The following CFHR5 variants were observed in gnomAD, a reference collection of about 807,000 sequenced individuals.
CFHR5 encodes the protein complement factor H related 5.
CFHR5 carries 73 observed loss-of-function variants against 62.9 expected under a neutral mutation model. The observed-to-expected ratio is 1.16, with a 90% CI of 0.96 to 1.41. CFHR5 has a LOEUF of 1.41. Ranked by LOEUF, CFHR5 falls within the 40% of genes most tolerant of loss-of-function variation. CFHR5 has a pLI of 0.00. For synonymous variants in CFHR5, 249 were observed against 227.2 expected, an observed-to-expected ratio of 1.10 and a Z score of -0.86; for missense variants, 779 against 679.9, an observed-to-expected ratio of 1.15 and a Z score of -1.62.
At chr1:196,990,894 G>C (rs1276562427) in intron 3 of CFHR5, among the ~76,000 whole-genome samples, 1 of 152,066 alleles carries the variant, frequency 6.6e-6, no homozygotes, top group Non-Finnish European at 1.5e-5. Context: ...TGCATTTCTT[G>C]AAATTGAATG....
Position 196,995,867 on chromosome 1 carries a change from A to G in CFHR5, c.758A>G (p.Asp253Gly), listed in dbSNP as rs1475314885. 1.2e-6 allele frequency: 2 copies of G among 1,613,382 alleles called. No homozygotes were observed. The highest frequency in any genetic ancestry group is 1.7e-5 in the Admixed American group (1 of 59,950). ...INGPKKIQCV[D>G]GEWTTLPTCV... ...GGGCCTAAGAAAATACAATGTGTGG[A>G]TGGAGAATGGACAACTTTACCCACT... Residue 253 changes from aspartate to glycine, a missense_variant, in exon 5 of 10, where the codon GAT becomes GGT. Physicochemically the swap from Asp to Gly is moderately conservative, Grantham distance 94 (BLOSUM62 -1). Transcript: ENST00000256785.
Position 196,984,192 on chromosome 1 carries a change from T to A in CFHR5, c.430+55T>A. 2.8e-6 allele frequency: 4 copies of A among 1,416,098 alleles called. No individual in the cohort carries two copies. The South Asian group carries it at 4.7e-5, about 17-fold the overall frequency. The allele number at this position is 1,416,098 out of a possible 1,614,324, so 87.7% of individuals were successfully genotyped here. A position where few individuals can be genotyped will look rare whatever the true frequency, so the allele number is the denominator to read the frequency against. On this transcript the variant is annotated intron_variant, in intron 3 of 9. Transcript: ENST00000256785. ...CTAATTATTTAAAGAAATAAATCTATAGTTTATAGATTAAATATAGGTTAA... is the reference window on the plus strand; with the variant it reads ...CTAATTATTTAAAGAAATAAATCTAAAGTTTATAGATTAAATATAGGTTAA...
intron 6 of CFHR5, among the ~76,000 whole-genome samples, chr1:196,996,870 A>AAGT (rs1553315050): frequency 1.3e-5 from 2 of 151,390 alleles, no homozygotes; most frequent in African/African-American, 2.4e-5. Context: ...AGTAAGTAGT[A>AAGT]AGTAAGTAGT....
At chr1:196,977,474 A>G (rs1228788792), upstream of CFHR5, 6 of 655,716 alleles carry the variant, frequency 9.2e-6, no homozygotes, top group Non-Finnish European at 1.7e-5. Flanking sequence ...GACACTGATT[A>G]GATACTATTT....
chr1:196,995,575 T>C (rs1012348709), intron 4 of CFHR5, 142 bp from the exon 5 acceptor site: 13 of 700,988 alleles, frequency 1.9e-5, no homozygotes, highest in Non-Finnish European at 3.0e-5. Flanking sequence ...CAATACACTA[T>C]GTACACTGCA....
At chr1:196,999,704 TA>T (rs1654083811) in intron 7 of CFHR5, among the ~76,000 whole-genome samples, 1 of 51,870 alleles carries the variant, frequency 1.9e-5, no homozygotes, top group Non-Finnish European at 4.2e-5. Context: ...TATATATATA[TA>T]TATATATATA....
At chr1:196,983,147 T>G (rs1232352132) in intron 2 of CFHR5, 68 bp downstream of exon 2, 2 of 1,597,094 alleles carry the variant, frequency 1.3e-6, no homozygotes, top group Non-Finnish European at 8.6e-7. Context: ...CCGGACAAGA[T>G]CATAAGGTCT....
intron 6 of CFHR5, 88 bp downstream of exon 6, chr1:196,996,289 A>G: frequency 9.9e-7 from 1 of 1,013,752 alleles, no homozygotes; most frequent in Non-Finnish European, 1.5e-6. Context: ...TAGAATTACA[A>G]TTTTATTGAT....
chr1:197,007,599 A>G (rs972252411), intron 9 of CFHR5, among the ~76,000 whole-genome samples: 1 of 150,348 alleles, frequency 6.7e-6, no homozygotes, highest in Non-Finnish European at 1.5e-5. Flanking sequence ...ATGTGTGTAT[A>G]TGTAATATAA....
Position 196,984,202 on chromosome 1 carries a change from ATTAAATATAGG to A in CFHR5, c.430+79_430+89del, listed in dbSNP as rs543220846. 1.6e-3 allele frequency: 2,168 copies of A among 1,355,632 alleles called. 11 individuals are homozygous for A. Among genetic ancestry groups the A allele is most frequent in the South Asian group, 4.0e-3 (333 of 82,308 alleles). The allele number at this position is 1,355,632 out of a possible 1,614,324, so 84.0% of individuals were successfully genotyped here. A position where few individuals can be genotyped will look rare whatever the true frequency, so the allele number is the denominator to read the frequency against. On this transcript the variant is annotated intron_variant, in intron 3 of 9. Transcript: ENST00000256785. Reference sequence around the variant, plus strand: ...AAAGAAATAAATCTATAGTTTATAGATTAAATATAGGTTAAATATAGGTTTCACCACTACTT... The same window carrying A: ...AAAGAAATAAATCTATAGTTTATAGATTAAATATAGGTTTCACCACTACTT...
rs762454161 is a variant in CFHR5, at chr1:196,995,757, T to C, written c.648T>C (p.Asn216=). Residue 216 remains asparagine, a synonymous_variant, in exon 5 of 10, where the codon AAT becomes AAC. Coordinates refer to ENST00000256785, the MANE Select transcript of CFHR5 (RefSeq NM_030787.4). Reference sequence around the variant, plus strand: ...GTGGTCCACCTCCTCAACTCTCCAATGGTGAAGTTAAGGAGATAAGAAAAG... The same window carrying C: ...GTGGTCCACCTCCTCAACTCTCCAACGGTGAAGTTAAGGAGATAAGAAAAG... ...RSCGPPPQLS[N]GEVKEIRKEE... The C allele has an allele frequency of 1.5e-5, 25 of 1,613,146 alleles. No individual in the cohort carries two copies. The highest frequency in any genetic ancestry group is 1.9e-5 in the Non-Finnish European group (22 of 1,179,400).
intron 2 of CFHR5, among the ~76,000 whole-genome samples, chr1:196,983,459 G>A (rs1007618459): frequency 6.6e-6 from 1 of 152,046 alleles, no homozygotes; most frequent in Non-Finnish European, 1.5e-5. Context: ...ATATTGCGAG[G>A]TAAGGTTTGG....
chr1:197,003,347 G>A (rs1310152717), intron 8 of CFHR5, among the ~76,000 whole-genome samples: 7 of 152,132 alleles, frequency 4.6e-5, no homozygotes, highest in African/African-American at 1.4e-4. Flanking sequence ...GCAGCCAGGG[G>A]TTTGGGGACA....
chr1:196,983,897 A>C, intron 2 of CFHR5, 64 bp from the exon 3 acceptor site: 1 of 1,168,186 alleles, frequency 8.6e-7, no homozygotes, highest in Non-Finnish European at 1.3e-6. Flanking sequence ...TCTTAATGAA[A>C]TATTTTTAAA....
At chr1:196,995,217 A>G (rs957854320) in intron 4 of CFHR5, among the ~76,000 whole-genome samples, 1 of 152,196 alleles carries the variant, frequency 6.6e-6, no homozygotes, top group Non-Finnish European at 1.5e-5. Flanking sequence ...TCCTGATTAT[A>G]ATAAACAGCC....
chr1:196,985,521 A>G (rs1383482893), intron 3 of CFHR5, among the ~76,000 whole-genome samples: 1 of 152,186 alleles, frequency 6.6e-6, no homozygotes, highest in East Asian at 1.9e-4. Flanking sequence ...AATGTTACTA[A>G]CACTAGAAAA....
intron 7 of CFHR5, among the ~76,000 whole-genome samples, chr1:197,001,439 C>T (rs931581362): frequency 6.6e-6 from 1 of 151,610 alleles, no homozygotes; most frequent in Non-Finnish European, 1.5e-5. Context: ...TCTAGCTAAA[C>T]CAGGAAAGAG....
rs751368164 is a variant in CFHR5, at chr1:197,004,729, G to A, written c.1399G>A (p.Val467Ile). ...AGATACCACCTCATTCCCATTATCA[G>A]TATATCCTCCAGGGTCAACAGTGAC... ...NGDTTSFPLS[V>I]YPPGSTVTYR... The change falls in exon 9 of 10, where the codon GTA (valine) becomes ATA (isoleucine). Residue 467 changes from valine (V) to isoleucine (I), a missense_variant. Transcript: ENST00000256785. 3 of 1,613,308 alleles carry A rather than the reference G, an allele frequency of 1.9e-6. No homozygotes were observed. Among genetic ancestry groups the A allele is most frequent in the Non-Finnish European group, 1.7e-6 (2 of 1,179,454 alleles).
chr1:197,007,125 A>C (rs1431869534), intron 9 of CFHR5, among the ~76,000 whole-genome samples: 1 of 152,026 alleles, frequency 6.6e-6, no homozygotes, highest in Non-Finnish European at 1.5e-5. Flanking sequence ...GTGAGCCACC[A>C]CGCCCGGCCC....
Sources: gnomAD v4.1 joint callset for allele counts (sites outside exome capture counted in the v4.1 genomes callset) on GRCh38, gnomAD v4.1.1 for gene constraint, MANE v1.5 for transcripts, NCBI Gene and HGNC (gene_info 2026-07-23, HGNC 2026-07-21) for gene names.